ATXN7L1: variants seen among roughly 807,000 people sequenced by gnomAD.
The protein encoded by ATXN7L1 is ataxin-7-like protein 1.
A neutral mutation model predicts 70.8 loss-of-function variants in ATXN7L1; 15 were observed. That is an observed-to-expected ratio of 0.21 (90% CI 0.14 to 0.33). The LOEUF is 0.33. Among genes scored for constraint, ATXN7L1 ranks in the 10% least tolerant of loss-of-function variants. The pLI is 1.00. For missense variants in ATXN7L1, 975 were observed against 1,097.1 expected, an observed-to-expected ratio of 0.89 and a Z score of 1.57; for synonymous variants, 440 against 445.1, an observed-to-expected ratio of 0.99 and a Z score of 0.14.
intron 2 of ATXN7L1, among the ~76,000 whole-genome samples, chr7:105,835,278 C>G (rs994078358): frequency 6.6e-6 from 1 of 150,748 alleles, no homozygotes; most frequent in Admixed American, 6.6e-5. Flanking sequence ...CCTCAGCCTC[C>G]TGAGAAGCTG....
chr7:105,825,444 A>G (rs1810732623), intron 2 of ATXN7L1, among the ~76,000 whole-genome samples: 3 of 151,926 alleles, frequency 2.0e-5, no homozygotes, highest in Non-Finnish European at 4.4e-5. Context: ...TGGGCCAAAA[A>G]TAGTGACAGG....
chr7:105,761,418 CCA>C, intron 3 of ATXN7L1: 1 of 1,614,128 alleles, frequency 6.2e-7, no homozygotes, highest in Non-Finnish European at 8.5e-7. Flanking sequence ...GCTCTCTGGT[CCA>C]CTCCTGGAGA....
At chr7:105,841,181 C>T (rs902314623) in intron 2 of ATXN7L1, among the ~76,000 whole-genome samples, 4 of 152,130 alleles carry the variant, frequency 2.6e-5, no homozygotes, top group African/African-American at 4.8e-5. Flanking sequence ...CATGGGAGGT[C>T]GGGGGGTCAG....
intron 3 of ATXN7L1, among the ~76,000 whole-genome samples, chr7:105,687,220 G>C (rs1331161111): frequency 6.6e-6 from 1 of 152,228 alleles, no homozygotes; most frequent in Non-Finnish European, 1.5e-5. Flanking sequence ...ACTCACAGAT[G>C]AATCTGTACC....
chr7:105,763,067 C>T lies in ATXN7L1; in HGVS notation c.355+25537G>A, dbSNP rs145934820. ...TCTGAGCCGAACCACACAGCTGAGC[C>T]ACTCCCAGATCCCTGGCCCACAGAA... On this transcript the variant is annotated intron_variant, in intron 3 of 11. Coordinates refer to ENST00000419735, the MANE Select transcript of ATXN7L1 (RefSeq NM_020725.2). 2.6e-5 allele frequency among the ~76,000 whole-genome samples: 4 copies of T among 152,340 alleles called. No individual in the cohort carries two copies. The East Asian group carries it at 7.7e-4, about 29-fold the overall frequency.
intron 3 of ATXN7L1, among the ~76,000 whole-genome samples, chr7:105,781,806 C>T (rs1803573025): frequency 6.6e-6 from 1 of 152,100 alleles, no homozygotes; most frequent in South Asian, 2.1e-4. Flanking sequence ...CCCAAGGTCA[C>T]ACAGGGAATA....
At chr7:105,701,368 T>C (rs888751387) in intron 3 of ATXN7L1, among the ~76,000 whole-genome samples, 1 of 152,180 alleles carries the variant, frequency 6.6e-6, no homozygotes, top group African/African-American at 2.4e-5. Flanking sequence ...AAATATAAAA[T>C]ATATGCATGT....
chr7:105,644,723 T>C (rs560996099), intron 4 of ATXN7L1, among the ~76,000 whole-genome samples: 1 of 152,336 alleles, frequency 6.6e-6, no homozygotes, highest in South Asian at 2.1e-4. Context: ...GATAAAAAGA[T>C]GCAAAGCAAT....
chr7:105,679,099 C>CGCTGGGCAACGCG (rs1261698278), intron 3 of ATXN7L1: 2 of 985,974 alleles, frequency 2.0e-6, no homozygotes, highest in Non-Finnish European at 2.4e-6. Context: ...GGCTGACACA[C>CGCTGGGCAACGCG]GCTGGGCAAC....
chr7:105,860,292 G>T (rs1174247047), intron 2 of ATXN7L1, among the ~76,000 whole-genome samples: 1 of 151,876 alleles, frequency 6.6e-6, no homozygotes, highest in African/African-American at 2.4e-5. Flanking sequence ...AGAGAATGGT[G>T]CAGAGTGGGG....
intron 2 of ATXN7L1, among the ~76,000 whole-genome samples, chr7:105,856,867 C>G (rs933795434): frequency 6.6e-6 from 1 of 151,936 alleles, no homozygotes; most frequent in Non-Finnish European, 1.5e-5. Flanking sequence ...CTCCAGCACC[C>G]TGAATGGAGA....
intron 4 of ATXN7L1, among the ~76,000 whole-genome samples, chr7:105,656,590 T>TTTTTTA (rs397795377): frequency 6.6e-6 from 1 of 151,286 alleles, no homozygotes; most frequent in African/African-American, 2.4e-5. Context: ...TTTTTTTTTT[T>TTTTTTA]GAGATAGTCT....
intron 3 of ATXN7L1, among the ~76,000 whole-genome samples, chr7:105,750,813 ACAACAAAAAAAGTTACTTTTAT>A (rs1197190776): frequency 6.6e-6 from 1 of 152,102 alleles, no homozygotes; most frequent in African/African-American, 2.4e-5. Context: ...GAAAAAAACA[ACAACAAAAAAAGTTACTTTTAT>A]CAATCACTCC....
At chr7:105,671,017 G>C (rs1023711906) in intron 3 of ATXN7L1, among the ~76,000 whole-genome samples, 1 of 150,296 alleles carries the variant, frequency 6.7e-6, no homozygotes, top group African/African-American at 2.4e-5. Context: ...TGAGGCAGGA[G>C]AATGGCGTGA....
At chr7:105,854,911 A>T (rs1815483909) in intron 2 of ATXN7L1, among the ~76,000 whole-genome samples, 1 of 151,760 alleles carries the variant, frequency 6.6e-6, no homozygotes, top group Non-Finnish European at 1.5e-5. Context: ...TTCACTTATT[A>T]TCTATGCTTT....
intron 2 of ATXN7L1, among the ~76,000 whole-genome samples, chr7:105,872,874 G>T (rs56657029): frequency 1.3e-5 from 2 of 149,984 alleles, no homozygotes; most frequent in African/African-American, 2.4e-5. Flanking sequence ...GGAACCACCC[G>T]CCGGGCACGG....
At chr7:105,651,061 C>T (rs952712265) in intron 4 of ATXN7L1, among the ~76,000 whole-genome samples, 16 of 152,172 alleles carry the variant, frequency 1.1e-4, no homozygotes, top group Admixed American at 2.0e-4. Flanking sequence ...TCTGGCTACC[C>T]GGTTTCAGAG....
chr7:105,731,963 G>C (rs964428089), intron 3 of ATXN7L1, among the ~76,000 whole-genome samples: 10 of 151,660 alleles, frequency 6.6e-5, no homozygotes, highest in Admixed American at 5.9e-4. Flanking sequence ...CATGGTAGCG[G>C]GCGCCTGTAA....
intron 3 of ATXN7L1, among the ~76,000 whole-genome samples, chr7:105,713,268 C>T (rs1395996364): frequency 6.6e-6 from 1 of 152,216 alleles, no homozygotes; most frequent in Non-Finnish European, 1.5e-5. Context: ...CATATCCAAA[C>T]CATATCAGAT....
Sources: allele counts gnomAD v4.1 joint callset (sites outside exome capture counted in the v4.1 genomes callset), GRCh38; gene constraint gnomAD v4.1.1; transcripts MANE v1.5; gene names NCBI Gene and HGNC (gene_info 2026-07-23, HGNC 2026-07-21).